Variants in FHIP1A observed in about 807,000 individuals in gnomAD.
FHIP1A encodes FHF complex subunit HOOK interacting protein 1A.
In FHIP1A, 61 loss-of-function variants were observed where a neutral mutation model predicts 88.6. That is an observed-to-expected ratio of 0.69 (90% CI 0.56 to 0.85). The LOEUF (loss-of-function observed/expected upper bound fraction) is 0.85. FHIP1A is among the 40% of genes least tolerant of loss of function. The probability of loss-of-function intolerance (pLI) is 0.00; values close to 1 mark genes in which losing one functional copy is unlikely to be tolerated. For missense variants in FHIP1A, 1,154 were observed against 1,273.5 expected (o/e 0.91, Z 1.43); for synonymous variants, 478 against 496.0 (o/e 0.96, Z 0.48).
At chr4:151,566,836 T>G (rs1733406668) in intron 4 of FHIP1A, among the ~76,000 whole-genome samples, 1 of 152,156 alleles carries the variant, frequency 6.6e-6, no homozygotes, top group African/African-American at 2.4e-5. Context: ...CTGATGTTAG[T>G]TTCCTCATTT....
At chr4:151,420,696 T>G (rs1733096449) in intron 1 of FHIP1A, among the ~76,000 whole-genome samples, 1 of 152,244 alleles carries the variant, frequency 6.6e-6, no homozygotes, top group South Asian at 2.1e-4. Context: ...GGAGCCTAAC[T>G]CTGTATTTCC....
In FHIP1A at chr4:151,669,803, T is replaced by C. The variant is rs1737795348; in HGVS notation, c.*7049T>C. On this transcript the variant is annotated 3_prime_UTR_variant, in exon 14 of 14. Coordinates refer to ENST00000435205, the MANE Select transcript of FHIP1A (RefSeq NM_001109977.3). ...CTTTTTTTAAAAAGCCACCTCCTCA[T>C]GCCTGTCCAAAATGAACCACGCAAC... The C allele has an allele frequency of 6.6e-6, 1 of 152,178 alleles. No individual in the cohort carries two copies. The highest frequency in any genetic ancestry group is 6.5e-5 in the Admixed American group (1 of 15,280). 9.4% of individuals were successfully genotyped at this position (152,178 alleles called of 1,614,324 possible).
Position 151,667,378 on chromosome 4 carries a change from AG to A in FHIP1A, c.*4625del, listed in dbSNP as rs1343394727. ...CTGAGGAAACACTGTAAGAGAATGC[AG>A]TTGACTCTTTCCCCCCCTTCTTTTT... is the stretch of plus-strand genomic sequence containing the variant. On this transcript the variant is annotated 3_prime_UTR_variant, in exon 14 of 14. Coordinates refer to ENST00000435205, the MANE Select transcript of FHIP1A (RefSeq NM_001109977.3). The A allele has an allele frequency of 6.6e-6, 1 of 152,230 alleles. No homozygotes were observed. Among genetic ancestry groups the A allele is most frequent in the Non-Finnish European group, 1.5e-5 (1 of 68,042 alleles). 9.4% of individuals were successfully genotyped at this position (152,230 alleles called of 1,614,324 possible). A position where few individuals can be genotyped will look rare whatever the true frequency, so the allele number is the denominator to read the frequency against.
chr4:151,519,511 A>G (rs1731378705), intron 3 of FHIP1A, among the ~76,000 whole-genome samples: 1 of 151,952 alleles, frequency 6.6e-6, no homozygotes, highest in African/African-American at 2.4e-5. Flanking sequence ...TCTTTTAGCT[A>G]TTAAGAAAAA....
chr4:151,552,332 A>G (rs906034991), intron 3 of FHIP1A, among the ~76,000 whole-genome samples: 2 of 152,184 alleles, frequency 1.3e-5, no homozygotes, highest in Non-Finnish European at 2.9e-5. Context: ...CTGGGAATAT[A>G]CCCAAAGTAT....
intron 3 of FHIP1A, among the ~76,000 whole-genome samples, chr4:151,564,697 A>G (rs1287488604): frequency 1.3e-5 from 2 of 152,226 alleles, no homozygotes; most frequent in Admixed American, 1.3e-4. Context: ...AGAAACACAC[A>G]GGCAGTTTTC....
chr4:151,525,615 T>C (rs924743213), intron 3 of FHIP1A, among the ~76,000 whole-genome samples: 3 of 152,258 alleles, frequency 2.0e-5, no homozygotes, highest in African/African-American at 4.8e-5. Context: ...AATAACTGTT[T>C]TGAAATTTCA....
intron 1 of FHIP1A, among the ~76,000 whole-genome samples, chr4:151,411,924 A>G (rs1006676428): frequency 6.6e-6 from 1 of 152,228 alleles, no homozygotes; most frequent in African/African-American, 2.4e-5. Flanking sequence ...AAGAAACTCC[A>G]GGAACTTCAT....
intron 2 of FHIP1A, among the ~76,000 whole-genome samples, chr4:151,471,921 A>G (rs1488122106): frequency 1.3e-5 from 2 of 152,186 alleles, no homozygotes; most frequent in Non-Finnish European, 2.9e-5. Flanking sequence ...CTCCAGTCTC[A>G]TCCAGACTGC....
intron 3 of FHIP1A, among the ~76,000 whole-genome samples, chr4:151,543,521 C>T (rs920363798): frequency 1.3e-5 from 2 of 152,178 alleles, no homozygotes; most frequent in Admixed American, 1.3e-4. Context: ...CAAAGAATAG[C>T]ATACAATACA....
chr4:151,642,611 A>C (rs1736627292), intron 9 of FHIP1A, among the ~76,000 whole-genome samples: 1 of 152,170 alleles, frequency 6.6e-6, no homozygotes, highest in South Asian at 2.1e-4. Context: ...CTATTGGTGC[A>C]TTGTTGGGGT....
intron 7 of FHIP1A, among the ~76,000 whole-genome samples, chr4:151,603,699 C>A (rs547037625): frequency 6.6e-6 from 1 of 152,174 alleles, no homozygotes; most frequent in Non-Finnish European, 1.5e-5. Context: ...CCTCTGCATA[C>A]CTTCTTTTTG....
In FHIP1A at chr4:151,665,486, T is replaced by C. The variant is rs1402574015; in HGVS notation, c.*2732T>C. ...GGTTTTGCAAAATGAAGTCAGAAAA[T>C]GGAGCTGGATGTAGAGAGAACAGGA... On this transcript the variant is annotated 3_prime_UTR_variant, in exon 14 of 14. Coordinates refer to ENST00000435205, the MANE Select transcript of FHIP1A (RefSeq NM_001109977.3). Among the ~76,000 whole-genome samples, 4 of 152,054 alleles carry C rather than the reference T, an allele frequency of 2.6e-5. No homozygotes were observed. Among genetic ancestry groups the C allele is most frequent in the Non-Finnish European group, 5.9e-5 (4 of 68,010 alleles).
At chr4:151,647,109 A>G (rs1736827539) in intron 10 of FHIP1A, among the ~76,000 whole-genome samples, 1 of 152,198 alleles carries the variant, frequency 6.6e-6, no homozygotes, top group Non-Finnish European at 1.5e-5. Context: ...TAATTTCTAA[A>G]ATGAGCCACT....
chr4:151,575,976 A>C (rs529894376), intron 4 of FHIP1A, among the ~76,000 whole-genome samples: 2 of 152,348 alleles, frequency 1.3e-5, no homozygotes, highest in Admixed American at 1.3e-4. Flanking sequence ...GAAAGGCAAA[A>C]ACGGACAAAG....
intron 3 of FHIP1A, among the ~76,000 whole-genome samples, chr4:151,551,004 G>C (rs1011391608): frequency 6.6e-5 from 10 of 152,198 alleles, no homozygotes; most frequent in Admixed American, 4.6e-4. Context: ...CTGCCCTTAA[G>C]GGGGAGGGCT....
At chr4:151,436,003 G>A (rs13435233) in intron 1 of FHIP1A, among the ~76,000 whole-genome samples, 12 of 152,090 alleles carry the variant, frequency 7.9e-5, no homozygotes, top group Admixed American at 7.9e-4. Flanking sequence ...TAAGAAAAAA[G>A]TTATTTAGTT....
rs1483008625 is a variant in FHIP1A, at chr4:151,663,940, G to A, written c.*1186G>A. 6.6e-6 allele frequency among the ~76,000 whole-genome samples: 1 copy of A among 152,178 alleles called. No individual in the cohort carries two copies. The highest frequency in any genetic ancestry group is 1.5e-5 in the Non-Finnish European group (1 of 68,034). On this transcript the variant is annotated 3_prime_UTR_variant, in exon 14 of 14. Coordinates refer to ENST00000435205, the MANE Select transcript of FHIP1A (RefSeq NM_001109977.3). The stretch of plus-strand genomic sequence containing the variant: ...CAACGTGCTGTATGAGCGTCCCTCT[G>A]CTGCTTTGCAGCCTGCTCCAAGAGG...
chr4:151,509,059 A>C (rs1730931680), intron 3 of FHIP1A, among the ~76,000 whole-genome samples: 1 of 152,206 alleles, frequency 6.6e-6, no homozygotes, highest in Non-Finnish European at 1.5e-5. Flanking sequence ...TCCCATGTAC[A>C]AATGAATACT....
Sources: allele counts gnomAD v4.1 joint callset (sites outside exome capture counted in the v4.1 genomes callset), GRCh38; gene constraint gnomAD v4.1.1; transcripts MANE v1.5; gene names NCBI Gene and HGNC (gene_info 2026-07-23, HGNC 2026-07-21).